The following NF1 variants were observed in gnomAD, a reference collection of about 807,000 sequenced individuals.
NF1 encodes the protein neurofibromin 1.
A neutral mutation model predicts 325.7 loss-of-function variants in NF1; 122 were observed. That is an observed-to-expected ratio of 0.37 (90% CI 0.32 to 0.44). The LOEUF (loss-of-function observed/expected upper bound fraction) is 0.44. Ranked by LOEUF, NF1 falls within the 20% of genes least tolerant of loss-of-function variation. NF1 has a pLI of 1.00. For synonymous variants in NF1, 1,091 were observed against 1,186.0 expected (o/e 0.92, Z 1.65); for missense variants, 2,140 against 3,415.4 (o/e 0.63, Z 9.31).
chr17:31,162,079 T>G (rs891494487), intron 3 of NF1, among the ~76,000 whole-genome samples: 6 of 146,070 alleles, frequency 4.1e-5, no homozygotes, highest in African/African-American at 1.5e-4. Context: ...TACAATACAG[T>G]AACTAGAAGA....
intron 13 of NF1, 83 bp from the exon 14 acceptor site, chr17:31,218,922 C>A: frequency 7.4e-7 from 1 of 1,350,420 alleles, no homozygotes; most frequent in Non-Finnish European, 1.0e-6. Flanking sequence ...TACCCTTTAG[C>A]AGTCACTGTC....
intron 13 of NF1, among the ~76,000 whole-genome samples, chr17:31,216,375 A>T (rs1304223370): frequency 6.6e-6 from 1 of 152,214 alleles, no homozygotes; most frequent in Non-Finnish European, 1.5e-5. Context: ...CAAGGTAACC[A>T]TAAGTACATT....
At chr17:31,192,671 C>T (rs1423656868) in intron 8 of NF1, among the ~76,000 whole-genome samples, 1 of 152,170 alleles carries the variant, frequency 6.6e-6, no homozygotes, top group East Asian at 1.9e-4. Flanking sequence ...AAAGGGGATT[C>T]TCTATAGAAT....
At chr17:31,326,875 G>A (rs556816307) in intron 37 of NF1, among the ~76,000 whole-genome samples, 1 of 152,218 alleles carries the variant, frequency 6.6e-6, no homozygotes, top group Middle Eastern at 3.4e-3. Flanking sequence ...TCAGAGTGAG[G>A]AACATGAACC....
At chr17:31,191,773 A>G (rs2066346721) in intron 8 of NF1, among the ~76,000 whole-genome samples, 1 of 152,242 alleles carries the variant, frequency 6.6e-6, no homozygotes, top group Non-Finnish European at 1.5e-5. Flanking sequence ...TTAAACATTA[A>G]TTTTCCAAAT....
intron 1 of NF1, among the ~76,000 whole-genome samples, chr17:31,146,409 GTCCATCCATCCA>G (rs112178514): frequency 0.029 from 4,253 of 148,614 alleles, 180 homozygotes; most frequent in African/African-American, 0.095. Context: ...TAATCTGTCT[GTCCATCCATCCA>G]TCCATCCATC....
At chr17:31,208,451 T>A (rs2066662581) in intron 12 of NF1, among the ~76,000 whole-genome samples, 1 of 152,048 alleles carries the variant, frequency 6.6e-6, no homozygotes, top group Non-Finnish European at 1.5e-5. Flanking sequence ...AACAGTCAGA[T>A]AACCAGTATG....
At chr17:31,356,273 TG>T in intron 51 of NF1, 186 bp from the exon 52 acceptor site, 1 of 552,760 alleles carries the variant, frequency 1.8e-6, no homozygotes, top group Non-Finnish European at 3.2e-6. Flanking sequence ...CAGAAAGCTA[TG>T]GGAACAAAAC....
chr17:31,226,802 A>C, intron 18 of NF1, 118 bp downstream of exon 18: 1 of 1,352,680 alleles, frequency 7.4e-7, no homozygotes, highest in Non-Finnish European at 1.0e-6. Flanking sequence ...CAAGTAGCTT[A>C]CTTGAAATCC....
chr17:31,190,061 T>A (rs1245041482), intron 8 of NF1, among the ~76,000 whole-genome samples: 2 of 88,564 alleles, frequency 2.3e-5, no homozygotes, highest in Admixed American at 2.8e-4. Context: ...TGCGCCTGGC[T>A]AAAAAATGTA....
chr17:31,170,691 A>G (rs2065915397), intron 5 of NF1, among the ~76,000 whole-genome samples: 1 of 152,218 alleles, frequency 6.6e-6, no homozygotes, highest in South Asian at 2.1e-4. Flanking sequence ...TGATGTGTTA[A>G]TGTAAATCAG....
intron 48 of NF1, among the ~76,000 whole-genome samples, chr17:31,344,154 T>C (rs1418865692): frequency 1.3e-5 from 2 of 152,206 alleles, no homozygotes; most frequent in Non-Finnish European, 2.9e-5. Context: ...TCAACTTGTT[T>C]ATAGTTTATT....
Position 31,095,141 on chromosome 17 carries a change from C to T in NF1, c.-169C>T. ...ACGCCCCCTTTCCCTCTCCCCCTCC[C>T]GCTCGGCGCTGACCCCCCATCCCCA... On this transcript the variant is annotated 5_prime_UTR_variant, in exon 1 of 58. Coordinates refer to ENST00000358273, the MANE Select transcript of NF1 (RefSeq NM_001042492.3). 2 of 554,740 alleles carry T rather than the reference C, an allele frequency of 3.6e-6. No individual in the cohort carries two copies. Among genetic ancestry groups the T allele is most frequent in the Admixed American group, 6.1e-5 (2 of 32,584 alleles). The allele number at this position is 554,740 out of a possible 1,614,324, so 34.4% of individuals were successfully genotyped here. A position where few individuals can be genotyped will look rare whatever the true frequency, so the allele number is the denominator to read the frequency against.
chr17:31,218,413 T>A (rs2905879), intron 13 of NF1, among the ~76,000 whole-genome samples: 81,567 of 151,940 alleles, frequency 0.54, 25,765 homozygotes, highest in Middle Eastern at 0.76. Flanking sequence ...TTAATAAAAT[T>A]TTTATTTTAT....
chr17:31,160,324 G>C (rs2065740889), intron 3 of NF1, among the ~76,000 whole-genome samples: 1 of 152,170 alleles, frequency 6.6e-6, no homozygotes, highest in Admixed American at 6.5e-5. Flanking sequence ...CTATCCTCAA[G>C]TGATCCGCCC....
At chr17:31,230,470 T>C in intron 23 of NF1, 88 bp downstream of exon 23, 1 of 1,494,116 alleles carries the variant, frequency 6.7e-7, no homozygotes, top group African/African-American at 1.4e-5. Flanking sequence ...CGGTTATTGG[T>C]AGAAAGGAGG....
At chr17:31,211,639 A>G (rs1353991513) in intron 12 of NF1, among the ~76,000 whole-genome samples, 3 of 152,242 alleles carry the variant, frequency 2.0e-5, no homozygotes, top group African/African-American at 7.2e-5. Flanking sequence ...CTGCAAACCT[A>G]GACTAAACAG....
In NF1 at chr17:31,299,342, C is replaced by CA. The variant is rs56983032; in HGVS notation, c.4836-26470dup. Among the ~76,000 whole-genome samples the CA allele has an allele frequency of 7.9e-3, 1,196 of 151,368 alleles. 21 individuals carry two copies. The highest frequency in any genetic ancestry group is 0.028 in the African/African-American group (1,142 of 41,352). ...AAAATAATACTGTATTACTGTTACT[C>CA]AAAAAAAATATTTTTTAGAGGCATA... is the stretch of plus-strand genomic sequence containing the variant. On this transcript the variant is annotated intron_variant, in intron 36 of 57. Transcript: ENST00000358273.
chr17:31,277,897 T>C (rs1174272963), intron 36 of NF1, among the ~76,000 whole-genome samples: 1 of 152,204 alleles, frequency 6.6e-6, no homozygotes, highest in Non-Finnish European at 1.5e-5. Flanking sequence ...ATCTCTAATA[T>C]CTCAGTTTGA....
Sources: allele counts gnomAD v4.1 joint callset (sites outside exome capture counted in the v4.1 genomes callset), GRCh38; gene constraint gnomAD v4.1.1; transcripts MANE v1.5; gene names NCBI Gene and HGNC (gene_info 2026-07-23, HGNC 2026-07-21).